Variants in PLXNA2 observed in about 807,000 individuals in gnomAD.
PLXNA2 encodes the protein plexin-A2.
A neutral mutation model predicts 193.5 loss-of-function variants in PLXNA2; 91 were observed. That is an observed-to-expected ratio of 0.47 (90% CI 0.40 to 0.56). The LOEUF is 0.56. PLXNA2 is among the 20% of genes least tolerant of loss of function. The pLI is 0.00. For missense variants in PLXNA2, 1,995 were observed against 2,503.2 expected (o/e 0.80, Z 4.33); for synonymous variants, 997 against 1,027.3 (o/e 0.97, Z 0.56).
intron 1 of PLXNA2, among the ~76,000 whole-genome samples, chr1:208,238,830 C>T (rs1200548040): frequency 1.3e-5 from 2 of 152,190 alleles, no homozygotes; most frequent in African/African-American, 2.4e-5. Context: ...GAAGGCCCCT[C>T]GGGGTTGGGT....
At chr1:208,123,086 C>G (rs761824493) in intron 4 of PLXNA2, among the ~76,000 whole-genome samples, 5 of 152,198 alleles carry the variant, frequency 3.3e-5, no homozygotes, top group Non-Finnish European at 5.9e-5. Context: ...TCCCTCCTGC[C>G]TGCCCCAGCC....
In PLXNA2 at chr1:208,217,982, C is replaced by T; in HGVS notation, c.-60G>A. On this transcript the variant is annotated 5_prime_UTR_variant, in exon 2 of 32. Coordinates refer to ENST00000367033, the MANE Select transcript of PLXNA2 (RefSeq NM_025179.4). The surrounding 1 kb of genome is among the most constrained non-coding windows in gnomAD (Gnocchi z 4.7). ...TGTGTGCTCATCTGCTCCACCTTCC[C>T]CGGTTGGCCCTCACATGATTCTGCA... 1 of 1,578,714 alleles carries T rather than the reference C, an allele frequency of 6.3e-7. No individual in the cohort carries two copies. The highest frequency in any genetic ancestry group is 1.1e-5 in the South Asian group (1 of 89,024).
At chr1:208,161,578 G>C (rs1042812825) in intron 3 of PLXNA2, among the ~76,000 whole-genome samples, 1 of 152,156 alleles carries the variant, frequency 6.6e-6, no homozygotes, top group African/African-American at 2.4e-5. Context: ...GGGCACGGAC[G>C]AGTGGCCAAG....
chr1:208,072,198 C>A (rs970477174), intron 12 of PLXNA2, among the ~76,000 whole-genome samples: 2 of 152,184 alleles, frequency 1.3e-5, no homozygotes, highest in Non-Finnish European at 2.9e-5. Flanking sequence ...AATTTATATT[C>A]CCTAAGCATG....
chr1:208,193,643 T>C (rs1670254967), intron 3 of PLXNA2, among the ~76,000 whole-genome samples: 1 of 152,236 alleles, frequency 6.6e-6, no homozygotes. Context: ...AGGAGATTCA[T>C]ACCAAGAGAG....
At chr1:208,204,947 C>G (rs1670669794) in intron 3 of PLXNA2, among the ~76,000 whole-genome samples, 1 of 152,124 alleles carries the variant, frequency 6.6e-6, no homozygotes, top group Non-Finnish European at 1.5e-5. Flanking sequence ...GTTTAAGGTC[C>G]CTGGGACTAA....
At chr1:208,089,478 T>C (rs1383705504) in intron 9 of PLXNA2, among the ~76,000 whole-genome samples, 1 of 152,224 alleles carries the variant, frequency 6.6e-6, no homozygotes, top group Non-Finnish European at 1.5e-5. Flanking sequence ...ATATAAATTA[T>C]ATGAAATTGC....
chr1:208,074,765 A>G (rs1351907074), intron 12 of PLXNA2, among the ~76,000 whole-genome samples: 1 of 151,992 alleles, frequency 6.6e-6, no homozygotes, highest in Non-Finnish European at 1.5e-5. Flanking sequence ...AGATTCTGCC[A>G]CCCCCAACTG....
At chr1:208,134,996 C>T (rs1031286726) in intron 4 of PLXNA2, among the ~76,000 whole-genome samples, 1 of 152,032 alleles carries the variant, frequency 6.6e-6, no homozygotes, top group African/African-American at 2.4e-5. Flanking sequence ...GTTCTAGATC[C>T]GGGTTAGTAG....
At chr1:208,069,183 A>T (rs971934205) in intron 12 of PLXNA2, among the ~76,000 whole-genome samples, 3 of 152,306 alleles carry the variant, frequency 2.0e-5, no homozygotes, top group Middle Eastern at 3.4e-3. Flanking sequence ...GTCATAGCAC[A>T]TATGACGATG....
chr1:208,226,774 CT>C (rs947296301), intron 1 of PLXNA2, among the ~76,000 whole-genome samples: 16 of 152,368 alleles, frequency 1.1e-4, no homozygotes, highest in African/African-American at 3.8e-4. Flanking sequence ...AAGCAGCTGC[CT>C]TCCCTGCCAC....
intron 3 of PLXNA2, among the ~76,000 whole-genome samples, chr1:208,143,363 G>A (rs1435926478): frequency 6.6e-6 from 1 of 152,196 alleles, no homozygotes; most frequent in East Asian, 1.9e-4. Context: ...CAGAATTTCT[G>A]ATTCAGTGGG....
intron 4 of PLXNA2, among the ~76,000 whole-genome samples, chr1:208,119,650 C>A (rs538081262): frequency 6.6e-6 from 1 of 152,308 alleles, no homozygotes; most frequent in South Asian, 2.1e-4. Context: ...TGCTCTGTCA[C>A]CCAGGCTAGA....
chr1:208,100,785 C>T (rs4844640), intron 5 of PLXNA2, among the ~76,000 whole-genome samples: 34,696 of 152,204 alleles, frequency 0.23, 4,325 homozygotes, highest in Admixed American at 0.3. Context: ...CTCCCAACAT[C>T]TTCATCTCGG....
rs1004632067 is a variant in PLXNA2 at position 208,243,899 on chromosome 1, C to A, written c.-337G>T. On this transcript the variant is annotated 5_prime_UTR_variant, in exon 1 of 32. Transcript: ENST00000367033. ...GTCGCCCCGCAGCAGCCCGGCTGGG[C>A]GCTGTCGCCGGCTCTCAGGGGGCAC... is the stretch of plus-strand genomic sequence containing the variant. The A allele has an allele frequency of 6.6e-6, 1 of 152,396 alleles. No homozygotes were observed. The highest frequency in any genetic ancestry group is 1.5e-5 in the Non-Finnish European group (1 of 68,206). The allele number at this position is 152,396 out of a possible 1,614,324, so 9.4% of individuals were successfully genotyped here. A position where few individuals can be genotyped will look rare whatever the true frequency, so the allele number is the denominator to read the frequency against.
chr1:208,123,249 C>T (rs1667860784), intron 4 of PLXNA2, among the ~76,000 whole-genome samples: 1 of 152,144 alleles, frequency 6.6e-6, no homozygotes, highest in Admixed American at 6.5e-5. Flanking sequence ...TTAGTAACTT[C>T]CTAAATTTCC....
At chr1:208,107,158 T>C (rs772306963) in intron 4 of PLXNA2, among the ~76,000 whole-genome samples, 3 of 152,206 alleles carry the variant, frequency 2.0e-5, no homozygotes, top group Non-Finnish European at 4.4e-5. Flanking sequence ...ACCAGCACCA[T>C]TGGTGTCACG....
In PLXNA2 at chr1:208,096,893, G is replaced by T. The variant is rs772484854; in HGVS notation, c.1732-10C>A. 1 of 1,610,948 alleles carries T rather than the reference G, an allele frequency of 6.2e-7. No homozygotes were observed. The highest frequency in any genetic ancestry group is 2.2e-5 in the East Asian group (1 of 44,814). The stretch of plus-strand genomic sequence containing the variant: ...TCACTACCAGGCTAAGCTGTGGGAG[G>T]AGCAAAGAGATGATGCCAAAGAAAT... On this transcript the variant is annotated splice_polypyrimidine_tract_variant and intron_variant, in intron 6 of 31. Coordinates refer to ENST00000367033, the MANE Select transcript of PLXNA2 (RefSeq NM_025179.4).
At chr1:208,199,453 G>A (rs1391514471) in intron 3 of PLXNA2, among the ~76,000 whole-genome samples, 3 of 152,228 alleles carry the variant, frequency 2.0e-5, no homozygotes, top group Non-Finnish European at 4.4e-5. Flanking sequence ...AGCACTTTGG[G>A]GGGCCAAGGT....
Sources: allele counts gnomAD v4.1 joint callset (sites outside exome capture counted in the v4.1 genomes callset), GRCh38; gene constraint gnomAD v4.1.1; non-coding constraint Gnocchi (gnomAD v3.1); transcripts MANE v1.5; gene names NCBI Gene and HGNC (gene_info 2026-07-23, HGNC 2026-07-21).